The following TBC1D15 variants were observed in gnomAD, a reference collection of about 807,000 sequenced individuals.
TBC1D15 encodes TBC1 domain family member 15.
A neutral mutation model predicts 95.4 loss-of-function variants in TBC1D15; 39 were observed. The observed-to-expected ratio is 0.41, with a 90% confidence interval of 0.32 to 0.53. The LOEUF is 0.53. Among genes scored for constraint, TBC1D15 ranks in the 20% least tolerant of loss-of-function variants. The pLI, the probability that TBC1D15 is intolerant of heterozygous loss-of-function variation, is 0.29. For synonymous variants in TBC1D15, 258 were observed against 261.3 expected (o/e 0.99, Z 0.12); for missense variants, 733 against 794.3 (o/e 0.92, Z 0.93).
At chr12:71,915,509 T>A (rs1903492257) in intron 12 of TBC1D15, among the ~76,000 whole-genome samples, 1 of 149,624 alleles carries the variant, frequency 6.7e-6, no homozygotes, top group Non-Finnish European at 1.5e-5. Flanking sequence ...ATGCAATAAG[T>A]TTTCAATAAA....
At chr12:71,891,274 T>A (rs1897160083) in intron 5 of TBC1D15, among the ~76,000 whole-genome samples, 1 of 152,198 alleles carries the variant, frequency 6.6e-6, no homozygotes, top group African/African-American at 2.4e-5. Context: ...AAGCCTGGGA[T>A]ATACTTCAGA....
intron 3 of TBC1D15, among the ~76,000 whole-genome samples, chr12:71,873,246 T>TAATC (rs1893064240): frequency 6.6e-6 from 1 of 152,192 alleles, no homozygotes; most frequent in African/African-American, 2.4e-5. Context: ...TGGCAATCAC[T>TAATC]AATCTACTTT....
intron 1 of TBC1D15, among the ~76,000 whole-genome samples, chr12:71,840,626 G>T (rs1304825186): frequency 1.3e-5 from 2 of 152,150 alleles, no homozygotes; most frequent in Non-Finnish European, 2.9e-5. Flanking sequence ...ATTTCCCAGT[G>T]CAGGAGTATT....
chr12:71,865,423 G>A (rs1161916629), intron 1 of TBC1D15, among the ~76,000 whole-genome samples: 1 of 152,162 alleles, frequency 6.6e-6, no homozygotes, highest in East Asian at 1.9e-4. Flanking sequence ...ATCTGAGCCA[G>A]TAGGGTTCAG....
chr12:71,851,888 GGA>G (rs1887917466), intron 1 of TBC1D15, among the ~76,000 whole-genome samples: 1 of 152,198 alleles, frequency 6.6e-6, no homozygotes, highest in Non-Finnish European at 1.5e-5. Context: ...AGCTCTTGGT[GGA>G]TTTATCATTC....
chr12:71,868,558 T>A (rs9652036), intron 1 of TBC1D15, among the ~76,000 whole-genome samples: 2,624 of 152,282 alleles, frequency 0.017, 78 homozygotes, highest in African/African-American at 0.06. Flanking sequence ...CTTTGACTTT[T>A]TTGTAAGGTG....
chr12:71,911,792 TAAAAA>T (rs988333018), intron 11 of TBC1D15, among the ~76,000 whole-genome samples: 1 of 143,568 alleles, frequency 7.0e-6, no homozygotes, highest in Non-Finnish European at 1.5e-5. Context: ...ACTGTAAAAA[TAAAAA>T]AAATAAAATA....
intron 11 of TBC1D15, among the ~76,000 whole-genome samples, chr12:71,912,054 G>A (rs1404827511): frequency 1.3e-5 from 2 of 152,160 alleles, no homozygotes; most frequent in Admixed American, 6.5e-5. Flanking sequence ...GTCAGGCTCA[G>A]TAACGTAGTA....
chr12:71,842,033 G>A (rs966784332), intron 1 of TBC1D15, among the ~76,000 whole-genome samples: 2 of 152,064 alleles, frequency 1.3e-5, no homozygotes, highest in African/African-American at 2.4e-5. Context: ...TAGAAATCCA[G>A]GGGAGTGAAT....
At chr12:71,854,969 G>A (rs1037347453) in intron 1 of TBC1D15, 6 of 405,784 alleles carry the variant, frequency 1.5e-5, no homozygotes, top group African/African-American at 4.2e-5. Flanking sequence ...GTATTAGTCC[G>A]TTATCACACT....
At chr12:71,896,533 C>G (rs1043972219) in intron 8 of TBC1D15, 144 bp from the exon 9 acceptor site, 6 of 683,318 alleles carry the variant, frequency 8.8e-6, no homozygotes, top group Admixed American at 6.0e-5. Flanking sequence ...AAGTAAAAAA[C>G]AAGATGATAT....
At chr12:71,866,019 C>T (rs1356013625) in intron 1 of TBC1D15, among the ~76,000 whole-genome samples, 1 of 152,070 alleles carries the variant, frequency 6.6e-6, no homozygotes, top group Non-Finnish European at 1.5e-5. Flanking sequence ...GTCCTGTTTT[C>T]CCAGAAGGCA....
Position 71,839,789 on chromosome 12 carries a change from CGGCGG to C in TBC1D15, c.10_14del (p.Ala4CysfsTer9). ...CAGGCACGCGCAGGAAACATGGCGG[CGGCGG>C]GTGTTGTGAGCGGGAAGGTAGGTAA... On this transcript the variant is annotated frameshift_variant, in exon 1 of 17. Coordinates refer to ENST00000485960, the MANE Select transcript of TBC1D15 (RefSeq NM_001146213.3). LOFTEE classifies it high-confidence loss of function. The C allele has an allele frequency of 1.2e-6, 2 of 1,614,152 alleles. No homozygotes were observed. The highest frequency in any genetic ancestry group is 2.2e-5 in the South Asian group (2 of 91,086).
At position 71,841,821 on chromosome 12, in the gene TBC1D15, GAAAAC is replaced by G. The variant is rs1395448734; in HGVS notation, c.30+2011_30+2015del. On this transcript the variant is annotated intron_variant, in intron 1 of 16. Transcript: ENST00000485960. ...TAATCTCTTGATTTAAAAAGCAAAT[GAAAAC>G]TCTTCACTTTTTTATCGTCAGCATA... Among the ~76,000 whole-genome samples, 6 of 152,200 alleles carry G rather than the reference GAAAAC, an allele frequency of 3.9e-5. No homozygotes were observed. The East Asian group carries it at 5.8e-4, about 15-fold the overall frequency.
At chr12:71,879,408 T>G (rs1032662515) in intron 3 of TBC1D15, among the ~76,000 whole-genome samples, 4 of 152,202 alleles carry the variant, frequency 2.6e-5, no homozygotes, top group African/African-American at 7.2e-5. Context: ...GTGTTGGGAT[T>G]ACAGGTGTGA....
At chr12:71,895,862 CAG>C (rs1003736797) in intron 7 of TBC1D15, 83 bp from the exon 8 acceptor site, 118 of 1,299,628 alleles carry the variant, frequency 9.1e-5, no homozygotes, top group Non-Finnish European at 1.9e-5. Flanking sequence ...GTCTGAAAAA[CAG>C]TATTTTAAAT....
chr12:71,894,852 A>T lies in TBC1D15; in HGVS notation c.824A>T (p.Gln275Leu). ...ATTCCAGGTCTAAAGATAAATCAAC[A>T]AGAAGAACCAGGATTTGAAGTCATC... ...DAIPGLKINQ[Q>L]EEPGFEVITR... Residue 275 changes from glutamine (Q) to leucine (L), a missense_variant, in exon 7 of 17, where the codon CAA (glutamine) becomes CTA (leucine). By Grantham distance (113) the Gln-to-Leu change is moderately radical (BLOSUM62 -2). Transcript: ENST00000485960. 6.2e-7 allele frequency: 1 copy of T among 1,613,008 alleles called. No individual in the cohort carries two copies.
chr12:71,875,428 G>A (rs558201604), intron 3 of TBC1D15, among the ~76,000 whole-genome samples: 2 of 151,846 alleles, frequency 1.3e-5, no homozygotes, highest in African/African-American at 4.8e-5. Flanking sequence ...CTGTGCTTTT[G>A]GCGTGTCATA....
chr12:71,855,040 G>A (rs558812115), intron 1 of TBC1D15, among the ~76,000 whole-genome samples: 3 of 152,206 alleles, frequency 2.0e-5, no homozygotes, highest in African/African-American at 2.4e-5. Context: ...ATTGACTCAC[G>A]GTTTCGCATG....
Sources: allele counts gnomAD v4.1 joint callset (sites outside exome capture counted in the v4.1 genomes callset), GRCh38; gene constraint gnomAD v4.1.1; transcripts MANE v1.5; gene names NCBI Gene and HGNC (gene_info 2026-07-23, HGNC 2026-07-21).